Variants in C6orf118 observed in about 807,000 individuals in gnomAD.
The protein encoded by C6orf118 is chromosome 6 open reading frame 118.
Under a neutral mutation model 50.2 loss-of-function variants are expected in C6orf118, and 50 were observed. That is an observed-to-expected ratio of 1.00 (90% CI 0.79 to 1.26). The LOEUF is 1.26. C6orf118 is among the 50% of genes most tolerant of loss of function. The pLI is 0.00. For missense variants in C6orf118, 641 were observed against 578.7 expected, an observed-to-expected ratio of 1.11 and a Z score of -1.10; for synonymous variants, 239 against 230.9, an observed-to-expected ratio of 1.03 and a Z score of -0.32.
intron 5 of C6orf118, among the ~76,000 whole-genome samples, chr6:165,296,947 T>C (rs1687677056): frequency 6.6e-6 from 1 of 152,162 alleles, no homozygotes; most frequent in Non-Finnish European, 1.5e-5. Context: ...TCTGCCAGTA[T>C]AGTCGGGTTT....
intron 6 of C6orf118, among the ~76,000 whole-genome samples, chr6:165,290,780 C>T (rs1780080075): frequency 6.6e-6 from 1 of 152,176 alleles, no homozygotes; most frequent in Admixed American, 6.6e-5. Flanking sequence ...GGCAATCATT[C>T]ACACAGGTTG....
chr6:165,294,115 G>A (rs1780203352), intron 5 of C6orf118, among the ~76,000 whole-genome samples: 1 of 151,796 alleles, frequency 6.6e-6, no homozygotes, highest in Admixed American at 6.6e-5. Flanking sequence ...GTGTGGTGGT[G>A]GGTGCCTGTA....
At chr6:165,283,370 G>GT (rs920388198) in intron 7 of C6orf118, among the ~76,000 whole-genome samples, 17 of 152,272 alleles carry the variant, frequency 1.1e-4, no homozygotes, top group African/African-American at 4.1e-4. Flanking sequence ...CACCATCAGG[G>GT]TCTTGGGTCC....
At chr6:165,284,519 T>C (rs547917621) in intron 7 of C6orf118, among the ~76,000 whole-genome samples, 54 of 152,128 alleles carry the variant, frequency 3.5e-4, no homozygotes, top group Non-Finnish European at 6.9e-4. Flanking sequence ...ATATACATAA[T>C]CATCAGATTC....
intron 1 of C6orf118, among the ~76,000 whole-genome samples, chr6:165,302,667 T>G (rs1225367088): frequency 6.6e-6 from 1 of 152,202 alleles, no homozygotes; most frequent in Non-Finnish European, 1.5e-5. Context: ...AAAGATGTCT[T>G]CTTTAACGTA....
At chr6:165,298,154 G>A in intron 4 of C6orf118, 53 bp from the exon 5 acceptor site, 2 of 1,508,504 alleles carry the variant, frequency 1.3e-6, no homozygotes, top group Non-Finnish European at 1.8e-6. Flanking sequence ...AGGGCGGGAG[G>A]ACTCCCTTTC....
chr6:165,300,603 G>A (rs2128162901), intron 2 of C6orf118, 117 bp from the exon 3 acceptor site: 4 of 841,232 alleles, frequency 4.8e-6, no homozygotes, highest in Admixed American at 5.1e-5. Context: ...GGGCGGGGCG[G>A]CACAGGGGGC....
intron 2 of C6orf118, among the ~76,000 whole-genome samples, chr6:165,301,314 T>C (rs1780524116): frequency 6.6e-6 from 1 of 150,774 alleles, no homozygotes; most frequent in African/African-American, 2.5e-5. Context: ...CCGAGAACAC[T>C]GCACCGAGAG....
Position 165,302,118 on chromosome 6 carries a change from C to T in C6orf118, c.204G>A (p.Lys68=), listed in dbSNP as rs1287892228. 3 of 1,613,504 alleles carry T rather than the reference C, an allele frequency of 1.9e-6. No individual in the cohort carries two copies. Among genetic ancestry groups the T allele is most frequent in the Non-Finnish European group, 2.5e-6 (3 of 1,179,996 alleles). ...LYISGHLNPN[K]LYQPPETILQ... Reference sequence around the variant, plus strand: ...AGATCGTCTCCGGAGGCTGGTAGAGCTTGTTGGGGTTCAGGTGTCCAGAGA... The same window carrying T: ...AGATCGTCTCCGGAGGCTGGTAGAGTTTGTTGGGGTTCAGGTGTCCAGAGA... Residue 68 remains lysine (K), a synonymous_variant, in exon 2 of 9, where the codon AAG becomes AAA. Transcript: ENST00000230301.
intron 7 of C6orf118, among the ~76,000 whole-genome samples, chr6:165,287,803 A>C (rs1374084990): frequency 2.0e-5 from 3 of 152,224 alleles, no homozygotes; most frequent in Non-Finnish European, 4.4e-5. Flanking sequence ...TTAAATGCTT[A>C]CATGTAAAAC....
intron 2 of C6orf118, among the ~76,000 whole-genome samples, chr6:165,301,067 T>A (rs375113891): frequency 3.3e-5 from 5 of 152,150 alleles, no homozygotes; most frequent in African/African-American, 1.2e-4. Flanking sequence ...TGCAGCCACA[T>A]GGCCTCCAAT....
At chr6:165,283,913 C>T (rs1486125185) in intron 7 of C6orf118, among the ~76,000 whole-genome samples, 2 of 152,160 alleles carry the variant, frequency 1.3e-5, no homozygotes, top group African/African-American at 2.4e-5. Flanking sequence ...ACCAGAGTGC[C>T]TCTTCTCCTC....
At chr6:165,309,372 G>T (rs1196666978) in intron 1 of C6orf118, among the ~76,000 whole-genome samples, 190 bp downstream of exon 1, 2 of 152,238 alleles carry the variant, frequency 1.3e-5, no homozygotes, top group Admixed American at 6.5e-5. Flanking sequence ...TGCTTTGCGC[G>T]CTGGTTTCAG....
chr6:165,281,484 T>C, intron 8 of C6orf118, 156 bp downstream of exon 8: 1 of 1,389,570 alleles, frequency 7.2e-7, no homozygotes, highest in Non-Finnish European at 9.4e-7. Flanking sequence ...TACTTACTCC[T>C]GCCTCTCTTC....
At chr6:165,309,429 T>C (rs1445540695) in intron 1 of C6orf118, 133 bp downstream of exon 1, 3 of 1,048,230 alleles carry the variant, frequency 2.9e-6, no homozygotes, top group Admixed American at 1.9e-5. Flanking sequence ...TCAGCCCTAG[T>C]GACCCTGGAG....
chr6:165,280,128 A>G lies in C6orf118; in HGVS notation c.1357-18T>C. The stretch of plus-strand genomic sequence containing the variant: ...AAAGGCCCCTTAAAATACATAAGAA[A>G]TGAATACCATAGGTTAGAAAAAAAT... On this transcript the variant is annotated intron_variant, in intron 8 of 8. Coordinates refer to ENST00000230301, the MANE Select transcript of C6orf118 (RefSeq NM_144980.4). The G allele has an allele frequency of 6.5e-7, 1 of 1,549,566 alleles. No homozygotes were observed. Among genetic ancestry groups the G allele is most frequent in the Non-Finnish European group, 8.8e-7 (1 of 1,131,378 alleles).
intron 7 of C6orf118, among the ~76,000 whole-genome samples, chr6:165,285,421 C>T (rs1779867766): frequency 6.6e-6 from 1 of 152,072 alleles, no homozygotes; most frequent in African/African-American, 2.4e-5. Flanking sequence ...AAGATATTCA[C>T]GACTTGAAAT....
chr6:165,280,113 T>G lies in C6orf118; in HGVS notation c.1357-3A>C, dbSNP rs757238596. On this transcript the variant is annotated splice_polypyrimidine_tract_variant and splice_region_variant and intron_variant, in intron 8 of 8. Coordinates refer to ENST00000230301, the MANE Select transcript of C6orf118 (RefSeq NM_144980.4). ...CCTTGATAAATTTCCAAAGGCCCCT[T>G]AAAATACATAAGAAATGAATACCAT... 6.9e-6 allele frequency: 11 copies of G among 1,591,752 alleles called. No homozygotes were observed. The highest frequency in any genetic ancestry group is 9.4e-6 in the Non-Finnish European group (11 of 1,165,666).
At chr6:165,295,485 T>C (rs1482694409) in intron 5 of C6orf118, among the ~76,000 whole-genome samples, 1 of 152,178 alleles carries the variant, frequency 6.6e-6, no homozygotes, top group African/African-American at 2.4e-5. Flanking sequence ...TGGATTCTCA[T>C]TTTCTGTTCT....
Sources: allele counts gnomAD v4.1 joint callset (sites outside exome capture counted in the v4.1 genomes callset), GRCh38; gene constraint gnomAD v4.1.1; transcripts MANE v1.5; gene names NCBI Gene and HGNC (gene_info 2026-07-23, HGNC 2026-07-21).